PCDH15: variants seen among roughly 807,000 people sequenced by gnomAD.
PCDH15 encodes the protein protocadherin related 15, also known as protocadherin-15.
A neutral mutation model predicts 178.5 loss-of-function variants in PCDH15; 129 were observed. The observed-to-expected ratio is 0.72, with a 90% CI of 0.63 to 0.84. The LOEUF is 0.84. Among genes scored for constraint, PCDH15 ranks in the 40% least tolerant of loss-of-function variants. The pLI, the probability that PCDH15 is intolerant of heterozygous loss-of-function variation, is 0.00. For synonymous variants in PCDH15, 800 were observed against 732.0 expected (o/e 1.09, Z -1.50); for missense variants, 2,230 against 2,099.9 (o/e 1.06, Z -1.21).
At chr10:54,533,636 C>A (rs895940877) in intron 2 of PCDH15, among the ~76,000 whole-genome samples, 1 of 151,442 alleles carries the variant, frequency 6.6e-6, no homozygotes, top group Admixed American at 6.6e-5. Context: ...CAAAGATCAA[C>A]TTACCTTTTT....
intron 13 of PCDH15, among the ~76,000 whole-genome samples, chr10:54,168,112 T>C (rs1206486014): frequency 6.6e-6 from 1 of 151,972 alleles, no homozygotes; most frequent in Non-Finnish European, 1.5e-5. Flanking sequence ...CTAAATGCCT[T>C]ATTTTCTTCT....
At chr10:54,809,923 C>T (rs1401893116) in intron 3 of PCDH15, among the ~76,000 whole-genome samples, 1 of 152,128 alleles carries the variant, frequency 6.6e-6, no homozygotes, top group African/African-American at 2.4e-5. Context: ...ATGTGTTACG[C>T]TAGCCGTTAG....
chr10:54,040,415 C>T (rs1230601307), intron 18 of PCDH15, among the ~76,000 whole-genome samples: 2 of 152,032 alleles, frequency 1.3e-5, no homozygotes, highest in African/African-American at 4.8e-5. Context: ...GTAAGACGTG[C>T]CTTTTACTTT....
chr10:55,040,220 T>C (rs1399155174), intron 2 of PCDH15, among the ~76,000 whole-genome samples: 4 of 152,028 alleles, frequency 2.6e-5, no homozygotes, highest in Non-Finnish European at 5.9e-5. Context: ...TAGGCGATAA[T>C]TTGTCAATGG....
At chr10:55,626,758 T>G (rs1223783613) in intron 2 of PCDH15, among the ~76,000 whole-genome samples, 1 of 152,220 alleles carries the variant, frequency 6.6e-6, no homozygotes, top group South Asian at 2.1e-4. Flanking sequence ...AATCTTACCA[T>G]GCTGAATTGC....
chr10:55,501,082 T>A (rs983927203), intron 2 of PCDH15, among the ~76,000 whole-genome samples: 1 of 151,718 alleles, frequency 6.6e-6, no homozygotes, highest in Non-Finnish European at 1.5e-5. Context: ...GAGTGGGCCC[T>A]GATCAAATAT....
intron 2 of PCDH15, among the ~76,000 whole-genome samples, chr10:55,616,528 A>C (rs111615933): frequency 1.3e-5 from 2 of 151,438 alleles, no homozygotes; most frequent in African/African-American, 4.9e-5. Flanking sequence ...GCAAAAAAAA[A>C]AAAAAGAGTA....
chr10:55,112,332 G>T (rs745549483), intron 2 of PCDH15, among the ~76,000 whole-genome samples: 1 of 152,134 alleles, frequency 6.6e-6, no homozygotes, highest in Non-Finnish European at 1.5e-5. Context: ...ACCATGTGAA[G>T]ATTCGATGAG....
At chr10:54,297,665 T>A (rs989179982) in intron 8 of PCDH15, among the ~76,000 whole-genome samples, 1 of 152,122 alleles carries the variant, frequency 6.6e-6, no homozygotes, top group South Asian at 2.1e-4. Flanking sequence ...GGCTATTGGT[T>A]CTGTCCCCTT....
At chr10:55,611,763 T>C (rs1412686389) in intron 2 of PCDH15, among the ~76,000 whole-genome samples, 1 of 151,952 alleles carries the variant, frequency 6.6e-6, no homozygotes, top group African/African-American at 2.4e-5. Context: ...TAAGTGCATA[T>C]CAAGGGATGA....
At chr10:54,226,998 C>T (rs988773108) in intron 9 of PCDH15, among the ~76,000 whole-genome samples, 1 of 152,172 alleles carries the variant, frequency 6.6e-6, no homozygotes, top group African/African-American at 2.4e-5. Context: ...AGTGTAGCCC[C>T]CTCCTGGCTG....
intron 2 of PCDH15, among the ~76,000 whole-genome samples, chr10:55,414,354 T>C (rs1388518157): frequency 6.6e-6 from 1 of 151,584 alleles, no homozygotes; most frequent in African/African-American, 2.4e-5. Flanking sequence ...TAGTTCTTAA[T>C]GTTCAAAATA....
chr10:53,913,185 T>C (rs532934323), intron 25 of PCDH15, among the ~76,000 whole-genome samples: 1 of 152,194 alleles, frequency 6.6e-6, no homozygotes, highest in Admixed American at 6.5e-5. Context: ...AAACAAGAAA[T>C]GGGGAAAGGA....
chr10:55,280,366 C>T (rs998211637), intron 1 of PCDH15, among the ~76,000 whole-genome samples: 1 of 148,292 alleles, frequency 6.7e-6, no homozygotes, highest in Non-Finnish European at 1.5e-5. Flanking sequence ...GCAACCTCCG[C>T]CTCCCGGGTT....
At chr10:55,595,739 T>A (rs1842924709) in intron 2 of PCDH15, among the ~76,000 whole-genome samples, 1 of 152,150 alleles carries the variant, frequency 6.6e-6, no homozygotes, top group Non-Finnish European at 1.5e-5. Flanking sequence ...TCAAGTGTTT[T>A]TGTTTACATT....
At position 54,477,752 on chromosome 10, in the gene PCDH15, C is replaced by T. The variant is rs138119237; in HGVS notation, c.157+50060G>A. 2.0e-5 allele frequency among the ~76,000 whole-genome samples: 3 copies of T among 152,196 alleles called. No homozygotes were observed. The East Asian group carries it at 5.8e-4, about 30-fold the overall frequency. ...CTGGGATTACAGGCGTGTGCCAACA[C>T]GTTCAACTAATTTATGTATTAATAT... is the stretch of plus-strand genomic sequence containing the variant. On this transcript the variant is annotated intron_variant, in intron 3 of 37. Coordinates refer to ENST00000644397, the MANE Select transcript of PCDH15 (RefSeq NM_001384140.1).
At chr10:54,443,777 A>G (rs1162412660) in intron 3 of PCDH15, among the ~76,000 whole-genome samples, 2 of 151,526 alleles carry the variant, frequency 1.3e-5, no homozygotes, top group Admixed American at 6.6e-5. Context: ...TTTTCATTCT[A>G]GTGTTTATTG....
chr10:54,541,387 G>A (rs991217894), intron 2 of PCDH15, among the ~76,000 whole-genome samples: 2 of 152,036 alleles, frequency 1.3e-5, no homozygotes, highest in African/African-American at 4.8e-5. Flanking sequence ...ATATATTTCA[G>A]TATATAACCA....
At chr10:54,013,459 T>C (rs565649031) in intron 20 of PCDH15, among the ~76,000 whole-genome samples, 4 of 152,234 alleles carry the variant, frequency 2.6e-5, no homozygotes, top group African/African-American at 9.6e-5. Context: ...ATATACATAC[T>C]TCTCATCACC....
Sources: allele counts gnomAD v4.1 joint callset (sites outside exome capture counted in the v4.1 genomes callset), GRCh38; gene constraint gnomAD v4.1.1; transcripts MANE v1.5; gene names NCBI Gene and HGNC (gene_info 2026-07-23, HGNC 2026-07-21).